Variants in TAF11 observed in about 807,000 individuals in gnomAD.
TAF11 encodes transcription initiation factor TFIID subunit 11.
A neutral mutation model predicts 23.0 loss-of-function variants in TAF11; 10 were observed. The observed-to-expected ratio is 0.43, with a 90% CI of 0.27 to 0.74. The LOEUF (loss-of-function observed/expected upper bound fraction) is 0.74. TAF11 is among the 30% of genes least tolerant of loss of function. The pLI, the probability that TAF11 is intolerant of heterozygous loss-of-function variation, is 0.19. For missense variants in TAF11, 196 were observed against 261.7 expected (o/e 0.75, Z 1.73); for synonymous variants, 85 against 95.8 (o/e 0.89, Z 0.66).
chr6:34,883,825 C>T (rs1224183916), intron 1 of TAF11, among the ~76,000 whole-genome samples: 1 of 152,174 alleles, frequency 6.6e-6, no homozygotes, highest in Non-Finnish European at 1.5e-5. Flanking sequence ...AAAAGGTCAG[C>T]TTCACTGATT....
intron 1 of TAF11, among the ~76,000 whole-genome samples, chr6:34,883,321 G>A (rs546118272): frequency 2.0e-5 from 3 of 152,254 alleles, no homozygotes; most frequent in Admixed American, 6.5e-5. Flanking sequence ...TATGAGCACA[G>A]CTCCAGTATC....
At chr6:34,883,280 C>G (rs868686516) in intron 1 of TAF11, 200 bp from the exon 2 acceptor site, 1 of 490,796 alleles carries the variant, frequency 2.0e-6, no homozygotes, top group Non-Finnish European at 3.5e-6. Flanking sequence ...GGAAAGAAAA[C>G]CTGCTAAATA....
chr6:34,880,615 C>T lies in TAF11; in HGVS notation c.321-239G>A, dbSNP rs1766406312. On this transcript the variant is annotated intron_variant, in intron 2 of 4. Transcript: ENST00000361288. The surrounding 1 kb of genome is among the most constrained non-coding windows in gnomAD (Gnocchi z 4.8). The stretch of plus-strand genomic sequence containing the variant: ...AAAGAACAACACTGGGTCACTGTAT[C>T]GTACTACACAGACTGTTTGCAGCAT... Among the ~76,000 whole-genome samples the T allele has an allele frequency of 6.6e-6, 1 of 152,126 alleles. No homozygotes were observed. The highest frequency in any genetic ancestry group is 6.5e-5 in the Admixed American group (1 of 15,284).
chr6:34,887,891 C>T lies in TAF11; in HGVS notation c.67G>A (p.Ala23Thr), dbSNP rs1766567858. 2 of 1,614,048 alleles carry T rather than the reference C, an allele frequency of 1.2e-6. No homozygotes were observed. ...GTAGCCCCCGGGTCCCCGGGCACAG[C>T]GGCCGTCTCATCCGACTCCCCTGTC... The part of the protein sequence containing the change: ...GETGESDETA[A>T]VPGDPGATDT... Residue 23 changes from alanine (A) to threonine (T), a missense_variant, in exon 1 of 5, where the codon GCT (alanine) becomes ACT (threonine). By Grantham distance (58) the Ala-to-Thr change is moderately conservative (BLOSUM62 0). Transcript: ENST00000361288.
At chr6:34,888,071 C>T, upstream of TAF11, 1 of 1,522,160 alleles carries the variant, frequency 6.6e-7, no homozygotes, top group East Asian at 2.3e-5. Context: ...GCGATGACAT[C>T]ACCCCTACCG....
At chr6:34,883,215 A>ATCTTAT in intron 1 of TAF11, 135 bp from the exon 2 acceptor site, 2 of 813,112 alleles carry the variant, frequency 2.5e-6, no homozygotes, top group Non-Finnish European at 3.8e-6. Context: ...CACTGACTGT[A>ATCTTAT]CCATCAAGGA....
At chr6:34,881,359 CATT>C (rs1413820192) in intron 2 of TAF11, among the ~76,000 whole-genome samples, 4 of 152,208 alleles carry the variant, frequency 2.6e-5, no homozygotes, top group Non-Finnish European at 5.9e-5. Flanking sequence ...CATACCCAAA[CATT>C]ATACCCAACT....
chr6:34,886,677 G>T (rs891729165), intron 1 of TAF11, among the ~76,000 whole-genome samples: 1 of 151,812 alleles, frequency 6.6e-6, no homozygotes, highest in Non-Finnish European at 1.5e-5. Context: ...TGTTGGCCAG[G>T]CTGGTCTCAA....
chr6:34,877,690 A>G lies in TAF11; in HGVS notation c.*900T>C, dbSNP rs1401563899. ...GAAAAAGTGCTCAAATTTTCACAAA[A>G]TAGCCAAAACCAGTTGTATTGGAAC... On this transcript the variant is annotated 3_prime_UTR_variant, in exon 5 of 5. Coordinates refer to ENST00000361288, the MANE Select transcript of TAF11 (RefSeq NM_005643.4). 1 of 152,480 alleles carries G rather than the reference A, an allele frequency of 6.6e-6. No individual in the cohort carries two copies. Among genetic ancestry groups the G allele is most frequent in the Non-Finnish European group, 1.5e-5 (1 of 68,044 alleles). 9.4% of individuals were successfully genotyped at this position (152,480 alleles called of 1,614,324 possible). A position where few individuals can be genotyped will look rare whatever the true frequency, so the allele number is the denominator to read the frequency against.
chr6:34,884,917 T>G (rs1218104505), intron 1 of TAF11, among the ~76,000 whole-genome samples: 1 of 152,224 alleles, frequency 6.6e-6, no homozygotes, highest in African/African-American at 2.4e-5. Flanking sequence ...ATTAAATGTC[T>G]TTATAACTTT....
upstream of TAF11, chr6:34,888,049 T>G: frequency 1.3e-6 from 2 of 1,552,022 alleles, no homozygotes; most frequent in South Asian, 1.2e-5. Context: ...TCTTACTTCC[T>G]GTCGTCGCGC....
Position 34,882,911 on chromosome 6 carries a change from AATG to A in TAF11, c.320+18_320+20del. On this transcript the variant is annotated intron_variant, in intron 2 of 4. Transcript: ENST00000361288. Reference sequence around the variant, plus strand: ...GTCAAGTGAGAGCCTCGAAATGGGGAATGATAAGAAAGTGACTTACTGCATCTT... The same window carrying A: ...GTCAAGTGAGAGCCTCGAAATGGGGAATAAGAAAGTGACTTACTGCATCTT... 6.4e-7 allele frequency: 1 copy of A among 1,572,196 alleles called. No individual in the cohort carries two copies. Among genetic ancestry groups the A allele is most frequent in the Non-Finnish European group, 8.6e-7 (1 of 1,163,538 alleles).
intron 4 of TAF11, 37 bp from the exon 5 acceptor site, chr6:34,878,757 C>G: frequency 6.5e-7 from 1 of 1,542,118 alleles, no homozygotes; most frequent in African/African-American, 1.4e-5. Flanking sequence ...GATTATCACA[C>G]AATAATTTAC....
intron 1 of TAF11, among the ~76,000 whole-genome samples, chr6:34,886,251 T>G (rs1766522820): frequency 6.6e-6 from 1 of 152,004 alleles, no homozygotes; most frequent in African/African-American, 2.4e-5. Context: ...ACTGTGCCAC[T>G]GCACTCCAGG....
chr6:34,881,640 A>AT lies in TAF11; in HGVS notation c.321-1265dup, dbSNP rs374951040. 3.0e-3 allele frequency among the ~76,000 whole-genome samples: 456 copies of AT among 152,306 alleles called. 1 individual carries two copies. The highest frequency in any genetic ancestry group is 0.01 in the African/African-American group (428 of 41,558). On this transcript the variant is annotated intron_variant, in intron 2 of 4. Coordinates refer to ENST00000361288, the MANE Select transcript of TAF11 (RefSeq NM_005643.4). The stretch of plus-strand genomic sequence containing the variant: ...TTATAGATATATATGTATAGAAACT[A>AT]TCTTGAAACTTATAAGCAGGATATA...
chr6:34,878,277 T>C lies in TAF11; in HGVS notation c.*313A>G. 1 of 266,188 alleles carries C rather than the reference T, an allele frequency of 3.8e-6. No homozygotes were observed. Among genetic ancestry groups the C allele is most frequent in the Non-Finnish European group, 7.2e-6 (1 of 139,032 alleles). The allele number at this position is 266,188 out of a possible 1,614,324, so 16.5% of individuals were successfully genotyped here. A position where few individuals can be genotyped will look rare whatever the true frequency, so the allele number is the denominator to read the frequency against. ...AAACCAAAACAAAACAAAACTCTCT[T>C]GGAAAGGTTTTCTCTCTGAAAGCAG... On this transcript the variant is annotated 3_prime_UTR_variant, in exon 5 of 5. Transcript: ENST00000361288.
rs1766573975 is a variant in TAF11, at chr6:34,888,002, G to C, written c.-45C>G. On this transcript the variant is annotated 5_prime_UTR_variant, in exon 1 of 5. Transcript: ENST00000361288. ...GAGAGGAGATCGCGGAGATGCCTGA[G>C]GCAGAAGCTCGGAAACCCGAGCTGC... 2 of 1,610,032 alleles carry C rather than the reference G, an allele frequency of 1.2e-6. No homozygotes were observed. Among genetic ancestry groups the C allele is most frequent in the South Asian group, 1.1e-5 (1 of 90,986 alleles).
In TAF11 at chr6:34,879,076, G is replaced by A. The variant is rs180838159; in HGVS notation, c.506-356C>T. On this transcript the variant is annotated intron_variant, in intron 4 of 4. Transcript: ENST00000361288. ...AAAAGTTAGCCAGGGGTGGTGGTGC[G>A]CACCTGTGGTCTCAACTACTCAGAC... 1.9e-3 allele frequency among the ~76,000 whole-genome samples: 289 copies of A among 152,132 alleles called. 1 individual carries two copies. The highest frequency in any genetic ancestry group is 6.4e-3 in the African/African-American group (267 of 41,500).
chr6:34,887,266 G>T (rs555431875), intron 1 of TAF11, among the ~76,000 whole-genome samples: 134 of 152,202 alleles, frequency 8.8e-4, no homozygotes, highest in African/African-American at 3.2e-3. Flanking sequence ...TCGCGCCATT[G>T]TTCTCCAGCC....
Sources: allele counts gnomAD v4.1 joint callset (sites outside exome capture counted in the v4.1 genomes callset), GRCh38; gene constraint gnomAD v4.1.1; non-coding constraint Gnocchi (gnomAD v3.1); transcripts MANE v1.5; gene names NCBI Gene and HGNC (gene_info 2026-07-23, HGNC 2026-07-21).